SLC49A3: variants seen among roughly 807,000 people sequenced by gnomAD.
SLC49A3 encodes solute carrier family 49 member A3.
In SLC49A3, 50 loss-of-function variants were observed where a neutral mutation model predicts 43.8. That is an observed-to-expected ratio of 1.14 (90% CI 0.91 to 1.45). The LOEUF is 1.45. Among genes scored for constraint, SLC49A3 ranks in the 40% most tolerant of loss-of-function variants. The pLI, the probability that SLC49A3 is intolerant of heterozygous loss-of-function variation, is 0.00. For synonymous variants in SLC49A3, 413 were observed against 352.0 expected (o/e 1.17, Z -1.94); for missense variants, 906 against 774.1 (o/e 1.17, Z -2.02).
chr4:683,640 A>G lies in SLC49A3; in HGVS notation c.962T>C (p.Leu321Pro), dbSNP rs1740337843. The change falls in exon 7 of 10, where the codon CTG (leucine) becomes CCG (proline). Residue 321 changes from leucine to proline, a missense_variant. Coordinates refer to ENST00000322224, the MANE Select transcript of SLC49A3 (RefSeq NM_032219.4). ...AAAGGGCACGCAGGCCAGAGAGAAC[A>G]GGCACAGGCCAATCTTGGTGGCCTC... is the stretch of plus-strand genomic sequence containing the variant. ...FTEATKIGLC[L>P]FSLACVPFAL... 14 of 1,612,450 alleles carry G rather than the reference A, an allele frequency of 8.7e-6. No individual in the cohort carries two copies. Among genetic ancestry groups the G allele is most frequent in the Non-Finnish European group, 1.1e-5 (13 of 1,179,770 alleles).
At position 683,192 on chromosome 4, in the gene SLC49A3, G is replaced by A. The variant is rs761114015; in HGVS notation, c.1151+18C>T. 2.5e-6 allele frequency: 4 copies of A among 1,612,648 alleles called. No individual in the cohort carries two copies. The South Asian group carries it at 4.4e-5, about 18-fold the overall frequency. On this transcript the variant is annotated intron_variant, in intron 8 of 9. Transcript: ENST00000322224. ...GGGAGTATCTCTGGGGTTGCAGCAG[G>A]GGCAGATGGACACTCACCCCAGCAC...
Position 688,979 on chromosome 4 carries a change from G to T in SLC49A3, c.135+14C>A, listed in dbSNP as rs1354660612. 1 of 1,587,872 alleles carries T rather than the reference G, an allele frequency of 6.3e-7. No homozygotes were observed. The highest frequency in any genetic ancestry group is 8.5e-7 in the Non-Finnish European group (1 of 1,169,760). On this transcript the variant is annotated intron_variant, in intron 1 of 9. Coordinates refer to ENST00000322224, the MANE Select transcript of SLC49A3 (RefSeq NM_032219.4). ...GAGGGTCCCGGAGCCACCTGTCCCC[G>T]CCCCTGCCCCTACCGTGGCGTTGGA...
At chr4:684,675 C>T in intron 5 of SLC49A3, 44 bp downstream of exon 5, 1 of 1,605,824 alleles carries the variant, frequency 6.2e-7, no homozygotes, top group African/African-American at 1.3e-5. Flanking sequence ...CCTCTTGCCC[C>T]CACCCCCAAA....
At chr4:677,447 A>G (rs1251019818), downstream of SLC49A3, among the ~76,000 whole-genome samples, 4 of 152,172 alleles carry the variant, frequency 2.6e-5, no homozygotes, top group Non-Finnish European at 5.9e-5. Context: ...CAACCCAGAA[A>G]TGTCATCACC....
chr4:686,326 G>A (rs370089271), intron 2 of SLC49A3, 24 bp from the exon 3 acceptor site: 27 of 1,610,716 alleles, frequency 1.7e-5, no homozygotes, highest in East Asian at 1.3e-4. Flanking sequence ...GTCGGGGACC[G>A]GGTCAGGAAC....
intron 2 of SLC49A3, 26 bp downstream of exon 2, chr4:686,506 G>C: frequency 6.2e-7 from 1 of 1,608,064 alleles, no homozygotes; most frequent in Non-Finnish European, 8.5e-7. Flanking sequence ...GTCCCGGAGC[G>C]GGCCATGGTG....
downstream of SLC49A3, chr4:680,570 G>T (rs971109643): frequency 1.2e-6 from 2 of 1,613,410 alleles, no homozygotes; most frequent in South Asian, 2.2e-5. Context: ...ACGGGAAAGG[G>T]AAAATCAACA....
At chr4:684,398 T>C (rs1740553077) in intron 6 of SLC49A3, 85 bp downstream of exon 6, 3 of 1,560,392 alleles carry the variant, frequency 1.9e-6, no homozygotes, top group Non-Finnish European at 2.6e-6. Context: ...GGTCGGACAC[T>C]GGGCACCCTG....
chr4:690,271 G>A (rs919612319), upstream of SLC49A3, among the ~76,000 whole-genome samples: 5 of 151,054 alleles, frequency 3.3e-5, no homozygotes, highest in African/African-American at 7.3e-5. Flanking sequence ...GAGCTCACCC[G>A]GGGTGTCCTG....
At chr4:678,766 G>C, downstream of SLC49A3, 1 of 1,609,848 alleles carries the variant, frequency 6.2e-7, no homozygotes, top group Non-Finnish European at 8.5e-7. Flanking sequence ...GTTCAAGGAG[G>C]TGAGACTTTC....
chr4:679,077 AAC>A, downstream of SLC49A3: 2 of 1,491,430 alleles, frequency 1.3e-6, no homozygotes, highest in Non-Finnish European at 1.8e-6. Context: ...GGAGGAGGCG[AAC>A]ACAGAGGTCC....
intron 3 of SLC49A3, 31 bp downstream of exon 3, chr4:686,058 C>T (rs751215133): frequency 2.5e-5 from 41 of 1,611,898 alleles, no homozygotes; most frequent in Non-Finnish European, 3.3e-5. Context: ...GAGGTGAGCC[C>T]AGGCAGGCGG....
chr4:691,314 C>T (rs1336663885), upstream of SLC49A3, among the ~76,000 whole-genome samples: 1 of 138,950 alleles, frequency 7.2e-6, no homozygotes, highest in Non-Finnish European at 1.5e-5. Context: ...CAAACCATGG[C>T]TGGGCGAGGT....
chr4:682,714 C>T lies in SLC49A3; in HGVS notation c.1261+67G>A. 6 of 1,332,222 alleles carry T rather than the reference C, an allele frequency of 4.5e-6. No individual in the cohort carries two copies. In the South Asian group the frequency reaches 8.8e-5, roughly 20 times the overall value. 82.5% of individuals were successfully genotyped at this position (1,332,222 alleles called of 1,614,324 possible). On this transcript the variant is annotated intron_variant, in intron 9 of 9. Coordinates refer to ENST00000322224, the MANE Select transcript of SLC49A3 (RefSeq NM_032219.4). ...CCCCACGTAGGGTTCACCTGTCCCG[C>T]TCCCAGGGAATCTTCACATGGGGCT...
chr4:686,364 G>A (rs1238474546), intron 2 of SLC49A3, 62 bp from the exon 3 acceptor site: 34 of 1,579,314 alleles, frequency 2.2e-5, no homozygotes, highest in Admixed American at 1.0e-4. Context: ...TGCCTGCCCC[G>A]TCCCCCGAGC....
chr4:680,877 C>T (rs1214334825), downstream of SLC49A3: 4 of 650,846 alleles, frequency 6.1e-6, no homozygotes, highest in Non-Finnish European at 7.9e-6. Context: ...TGGCCTGTAA[C>T]CTCCTTCCGG....
downstream of SLC49A3, chr4:678,067 G>A (rs1458897067): frequency 1.2e-5 from 19 of 1,611,520 alleles, no homozygotes; most frequent in East Asian, 2.2e-5. Context: ...GCAGGCGTGT[G>A]GGTGTGAGCT....
At chr4:683,548 T>C (rs1577353552) in intron 7 of SLC49A3, 61 bp downstream of exon 7, 3 of 1,551,526 alleles carry the variant, frequency 1.9e-6, no homozygotes, top group East Asian at 2.3e-5. Context: ...CCAACCGCCC[T>C]CTCCGGGCCT....
rs1269008449 is a variant in SLC49A3, at chr4:682,819, G to A, written c.1223C>T (p.Ser408Phe). 29 of 1,603,064 alleles carry A rather than the reference G, an allele frequency of 1.8e-5. No individual in the cohort carries two copies. The highest frequency in any genetic ancestry group is 2.4e-5 in the Non-Finnish European group (28 of 1,173,484). ...LTVRRSEPSL[S>F]TCQQGEDPLD... ...TGGATCCTCCCCCTGCTGGCAGGTG[G>A]ACAAGGACGGCTCCGAGCGTCGCAC... is the stretch of plus-strand genomic sequence containing the variant. The change falls in exon 9 of 10, where the codon TCC becomes TTC. Residue 408 changes from serine (S) to phenylalanine (F), a missense_variant. Ser to Phe is a radical substitution (Grantham distance 155). Transcript: ENST00000322224.
Sources: gnomAD v4.1 joint callset for allele counts (sites outside exome capture counted in the v4.1 genomes callset) on GRCh38, gnomAD v4.1.1 for gene constraint, MANE v1.5 for transcripts, NCBI Gene and HGNC (gene_info 2026-07-23, HGNC 2026-07-21) for gene names.